UMAD1: variants seen among roughly 807,000 people sequenced by gnomAD.
UMAD1 encodes the protein UBAP1-MVB12-associated (UMA) domain containing 1, also known as UBAP1-MVB12-associated (UMA)-domain containing protein 1.
UMAD1 carries 8 observed loss-of-function variants against 6.1 expected under a neutral mutation model. The ratio of observed to expected loss-of-function variants is 1.30; its 90% CI spans 0.76 to 2.35. UMAD1 has a LOEUF of 2.35. Among genes scored for constraint, UMAD1 ranks in the 30% most tolerant of loss-of-function variants. The probability of loss-of-function intolerance (pLI) is 0.00; values close to 1 mark genes in which losing one functional copy is unlikely to be tolerated. For synonymous variants in UMAD1, 56 were observed against 31.4 expected (o/e 1.78, Z -2.61); for missense variants, 130 against 78.4 (o/e 1.66, Z -2.49).
chr7:7,782,734 CTTTTTTTT>C (rs777169882), intron 2 of UMAD1, among the ~76,000 whole-genome samples: 2 of 127,128 alleles, frequency 1.6e-5, no homozygotes, highest in Non-Finnish European at 3.2e-5. Flanking sequence ...TAACCTCTCT[CTTTTTTTT>C]TTTTTTTTTT....
At chr7:7,846,763 A>C (rs1783790552) in intron 3 of UMAD1, among the ~76,000 whole-genome samples, 1 of 151,920 alleles carries the variant, frequency 6.6e-6, no homozygotes, top group Non-Finnish European at 1.5e-5. Flanking sequence ...ATGGAAATTG[A>C]GTCACATAAG....
intron 1 of UMAD1, among the ~76,000 whole-genome samples, chr7:7,644,128 GATGGAT>G (rs1371840171): frequency 1.3e-5 from 2 of 152,134 alleles, no homozygotes; most frequent in Non-Finnish European, 2.9e-5. Context: ...CCCCCAATTT[GATGGAT>G]ATGAAGTGTT....
At chr7:7,739,113 G>A (rs1458798206) in intron 2 of UMAD1, 2 of 152,206 alleles carry the variant, frequency 1.3e-5, no homozygotes, top group Admixed American at 1.3e-4. Flanking sequence ...TCACTTAATT[G>A]TTACCTAAGT....
intron 2 of UMAD1, among the ~76,000 whole-genome samples, chr7:7,749,367 C>T (rs1452295193): frequency 2.6e-5 from 4 of 152,116 alleles, no homozygotes; most frequent in African/African-American, 9.7e-5. Flanking sequence ...CTTTAATAGC[C>T]CGTATTCCAC....
At chr7:7,822,718 G>A (rs951501438) in intron 3 of UMAD1, among the ~76,000 whole-genome samples, 2 of 152,058 alleles carry the variant, frequency 1.3e-5, no homozygotes, top group African/African-American at 4.8e-5. Context: ...TCCTAGATTT[G>A]AACAGTTCGG....
At chr7:7,804,492 A>T (rs543231571) in intron 3 of UMAD1, among the ~76,000 whole-genome samples, 3 of 152,018 alleles carry the variant, frequency 2.0e-5, no homozygotes, top group South Asian at 4.2e-4. Context: ...GGGCAACATG[A>T]TGAAACCCCA....
intron 2 of UMAD1, among the ~76,000 whole-genome samples, chr7:7,713,546 T>C (rs1270050275): frequency 6.6e-6 from 1 of 152,138 alleles, no homozygotes; most frequent in Non-Finnish European, 1.5e-5. Flanking sequence ...AGTTTTAGGA[T>C]GTATTGTTCC....
intron 2 of UMAD1, among the ~76,000 whole-genome samples, chr7:7,755,787 T>C (rs1781765580): frequency 6.6e-6 from 1 of 152,240 alleles, no homozygotes. Context: ...GTATGTAATG[T>C]TAGCATCCCA....
chr7:7,833,204 T>C (rs17138462), intron 3 of UMAD1, among the ~76,000 whole-genome samples: 9,955 of 151,988 alleles, frequency 0.065, 867 homozygotes, highest in East Asian at 0.21. Context: ...GGCTGTGAAA[T>C]CGGGCAGGCC....
At chr7:7,862,881 T>A (rs1784141347) in intron 3 of UMAD1, among the ~76,000 whole-genome samples, 1 of 152,142 alleles carries the variant, frequency 6.6e-6, no homozygotes, top group Non-Finnish European at 1.5e-5. Flanking sequence ...TGATGGAAAT[T>A]TACCGGAAGG....
At chr7:7,873,126 G>A (rs912251692) in intron 3 of UMAD1, among the ~76,000 whole-genome samples, 2 of 152,176 alleles carry the variant, frequency 1.3e-5, no homozygotes, top group African/African-American at 2.4e-5. Context: ...ATAGCTAACT[G>A]TTATCAATCT....
chr7:7,838,536 G>A lies in UMAD1; in HGVS notation c.156+36793G>A, dbSNP rs577085163. On this transcript the variant is annotated intron_variant, in intron 3 of 3. Transcript: ENST00000682710. ...AATACAATTAGTAAAACCACTTTTA[G>A]CAATAATCTGGCATTTCTTCATTAA... Among the ~76,000 whole-genome samples the A allele has an allele frequency of 7.9e-5, 12 of 152,232 alleles. No individual in the cohort carries two copies. In the South Asian group the frequency reaches 2.5e-3, roughly 32 times the overall value.
chr7:7,674,407 G>C (rs1779687242), intron 2 of UMAD1, among the ~76,000 whole-genome samples: 1 of 152,178 alleles, frequency 6.6e-6, no homozygotes, highest in Non-Finnish European at 1.5e-5. Context: ...GACCAGAATA[G>C]AGTTTTTCTC....
Position 7,847,116 on chromosome 7 carries a change from T to A in UMAD1, c.157-30165T>A, listed in dbSNP as rs1223527842. 2.0e-3 allele frequency among the ~76,000 whole-genome samples: 28 copies of A among 13,916 alleles called. 3 individuals are homozygous for A. Among genetic ancestry groups the A allele is most frequent in the African/African-American group, 0.011 (22 of 1,982 alleles). The allele number at this position is 13,916 out of a possible 152,430, so 9.1% of individuals were successfully genotyped here. On this transcript the variant is annotated intron_variant, in intron 3 of 3. Coordinates refer to ENST00000682710, the MANE Select transcript of UMAD1 (RefSeq NM_001302348.2). ...AAAAAAAAAAAAAAATATATATATATATATATATATATATATATATATATA... is the reference window on the plus strand; with the variant it reads ...AAAAAAAAAAAAAAATATATATATAAATATATATATATATATATATATATA...
intron 3 of UMAD1, among the ~76,000 whole-genome samples, chr7:7,868,870 G>C (rs1017768729): frequency 3.9e-5 from 6 of 152,110 alleles, no homozygotes; most frequent in African/African-American, 1.2e-4. Flanking sequence ...AATCAAGTCT[G>C]AGTGCCTAGA....
chr7:7,801,770 C>T (rs760201636), intron 3 of UMAD1, 27 bp downstream of exon 3: 23 of 716,048 alleles, frequency 3.2e-5, no homozygotes, highest in South Asian at 2.5e-4. Flanking sequence ...AAGTCCTTTT[C>T]GGTGAAACTG....
At chr7:7,778,629 T>C (rs1295007422) in intron 2 of UMAD1, among the ~76,000 whole-genome samples, 1 of 152,088 alleles carries the variant, frequency 6.6e-6, no homozygotes, top group Non-Finnish European at 1.5e-5. Context: ...TTGCCCAAAG[T>C]AGTTTCAAAT....
intron 3 of UMAD1, among the ~76,000 whole-genome samples, chr7:7,862,775 G>C (rs558451195): frequency 6.6e-6 from 1 of 152,186 alleles, no homozygotes; most frequent in East Asian, 1.9e-4. Flanking sequence ...CAATCCAGAT[G>C]ACACTTGTCC....
intron 2 of UMAD1, among the ~76,000 whole-genome samples, chr7:7,717,052 C>CTTTTT: frequency 6.8e-6 from 1 of 147,308 alleles, no homozygotes; most frequent in African/African-American, 2.6e-5. Flanking sequence ...TTCTTTCTTT[C>CTTTTT]TTTTTTTCTT....
Sources: allele counts gnomAD v4.1 joint callset (sites outside exome capture counted in the v4.1 genomes callset), GRCh38; gene constraint gnomAD v4.1.1; transcripts MANE v1.5; gene names NCBI Gene and HGNC (gene_info 2026-07-23, HGNC 2026-07-21).